LRP1B: variants seen among roughly 807,000 people sequenced by gnomAD.
LRP1B encodes LDL receptor related protein 1B.
In LRP1B, 217 loss-of-function variants were observed where a neutral mutation model predicts 556.6. That is an observed-to-expected ratio of 0.39 (90% CI 0.35 to 0.44). The LOEUF is 0.44. LRP1B is among the 20% of genes least tolerant of loss of function. The probability of loss-of-function intolerance (pLI) is 1.00; values close to 1 mark genes in which losing one functional copy is unlikely to be tolerated. For missense variants in LRP1B, 5,053 were observed against 5,620.8 expected, an observed-to-expected ratio of 0.90 and a Z score of 3.23; for synonymous variants, 2,047 against 1,865.8, an observed-to-expected ratio of 1.10 and a Z score of -2.50.
intron 1 of LRP1B, among the ~76,000 whole-genome samples, chr2:141,946,455 G>T (rs1700957354): frequency 6.6e-6 from 1 of 152,272 alleles, no homozygotes; most frequent in East Asian, 1.9e-4. Context: ...GAGATTAGGT[G>T]AAGGATGGCA....
chr2:141,070,381 A>C (rs1016455640), intron 7 of LRP1B, among the ~76,000 whole-genome samples: 1 of 151,380 alleles, frequency 6.6e-6, no homozygotes, highest in Non-Finnish European at 1.5e-5. Context: ...TTATAGCACT[A>C]AATGCCCACA....
intron 66 of LRP1B, among the ~76,000 whole-genome samples, chr2:140,402,400 C>T (rs1684544508): frequency 1.3e-5 from 2 of 152,194 alleles, no homozygotes; most frequent in African/African-American, 4.8e-5. Context: ...GCAGACATGG[C>T]TGGGGCTTCT....
chr2:140,381,361 C>T (rs1395638902), intron 67 of LRP1B, among the ~76,000 whole-genome samples: 5 of 152,006 alleles, frequency 3.3e-5, no homozygotes. Flanking sequence ...GACATTCTCC[C>T]CCGTATTTCC....
chr2:141,864,042 A>G (rs1031589061), intron 1 of LRP1B, among the ~76,000 whole-genome samples: 1 of 152,180 alleles, frequency 6.6e-6, no homozygotes, highest in African/African-American at 2.4e-5. Flanking sequence ...GTAAACAAGG[A>G]AACAGTTACA....
intron 1 of LRP1B, among the ~76,000 whole-genome samples, chr2:141,839,548 A>G (rs1697396358): frequency 6.6e-6 from 1 of 152,192 alleles, no homozygotes; most frequent in East Asian, 1.9e-4. Flanking sequence ...AAATTGGTAA[A>G]CAAGGCTTGT....
chr2:140,536,968 T>C (rs1679932284), intron 45 of LRP1B, among the ~76,000 whole-genome samples: 3 of 150,554 alleles, frequency 2.0e-5, no homozygotes, highest in Admixed American at 1.3e-4. Context: ...GGTCAGGAGA[T>C]TGAGACCATC....
chr2:140,261,036 G>A (rs1339872858), intron 86 of LRP1B, among the ~76,000 whole-genome samples: 2 of 130,224 alleles, frequency 1.5e-5, no homozygotes, highest in African/African-American at 6.3e-5. Flanking sequence ...GAATGTTGGT[G>A]AGATATATAT....
intron 86 of LRP1B, 43 bp downstream of exon 86, chr2:140,270,198 CA>C (rs1281060798): frequency 7.3e-7 from 1 of 1,375,294 alleles, no homozygotes; most frequent in Non-Finnish European, 1.0e-6. Context: ...CATGTACATA[CA>C]AAGGCTTATT....
chr2:140,850,286 T>A lies in LRP1B; in HGVS notation c.4755A>T (p.Arg1585Ser), dbSNP rs141156575. ...FLLYARRSEI[R>S]GVDIDNPYFN... ...AGTATGGATTGTCAATATCCACTCC[T>A]CTGATTTCAGAACGTCTTGCATAAA... is the stretch of plus-strand genomic sequence containing the variant. The change falls in exon 29 of 91, where the codon AGA (arginine) becomes AGT (serine). Residue 1585 changes from arginine to serine, a missense_variant. This residue lies in a region of LRP1B where 3,619 missense variants were observed against 3,931.9 expected (regional missense o/e 0.92). Coordinates refer to ENST00000389484, the MANE Select transcript of LRP1B (RefSeq NM_018557.3). 1 of 1,613,090 alleles carries A rather than the reference T, an allele frequency of 6.2e-7. No individual in the cohort carries two copies. Among genetic ancestry groups the A allele is most frequent in the Non-Finnish European group, 8.5e-7 (1 of 1,179,408 alleles).
At chr2:141,931,934 G>T (rs1255763166) in intron 1 of LRP1B, among the ~76,000 whole-genome samples, 4 of 151,950 alleles carry the variant, frequency 2.6e-5, no homozygotes, top group African/African-American at 7.2e-5. Context: ...TATAGCATTT[G>T]CTTTCTTTTT....
chr2:142,130,787 G>C lies in LRP1B; in HGVS notation c.-58C>G, dbSNP rs565953218. 8.5e-5 allele frequency: 100 copies of C among 1,170,960 alleles called. No homozygotes were observed. The South Asian group carries it at 1.4e-3, about 16-fold the overall frequency. The allele number at this position is 1,170,960 out of a possible 1,614,324, so 72.5% of individuals were successfully genotyped here. ...GACTGCTCGGCGGCACCTTCGGCCC[G>C]GCGGCGGCGGCGGCGGCAGGGGCCG... On this transcript the variant is annotated 5_prime_UTR_variant, in exon 1 of 91. Coordinates refer to ENST00000389484, the MANE Select transcript of LRP1B (RefSeq NM_018557.3).
chr2:141,250,048 G>A (rs1461640596), intron 4 of LRP1B, among the ~76,000 whole-genome samples: 4 of 152,108 alleles, frequency 2.6e-5, no homozygotes, highest in Non-Finnish European at 4.4e-5. Context: ...ATGAAGAGGG[G>A]AGCAAAAGAT....
intron 2 of LRP1B, among the ~76,000 whole-genome samples, chr2:141,683,859 A>C (rs1464164213): frequency 6.6e-6 from 1 of 152,140 alleles, no homozygotes; most frequent in East Asian, 1.9e-4. Context: ...AGTATTCAAG[A>C]ACAGAGAAAT....
At position 141,356,337 on chromosome 2, in the gene LRP1B, T is replaced by C. The variant is rs570377747; in HGVS notation, c.344-101696A>G. On this transcript the variant is annotated intron_variant, in intron 3 of 90. Transcript: ENST00000389484. The stretch of plus-strand genomic sequence containing the variant: ...AGTTTGTATTCTGCTATAAGAAAGG[T>C]TGGGCAAGTGCACAGTTGGAATTTT... Among the ~76,000 whole-genome samples, 7 of 152,270 alleles carry C rather than the reference T, an allele frequency of 4.6e-5. No individual in the cohort carries two copies. In the South Asian group the frequency reaches 1.2e-3, roughly 27 times the overall value.
chr2:140,847,891 G>A (rs1692323904), intron 29 of LRP1B, among the ~76,000 whole-genome samples: 3 of 151,958 alleles, frequency 2.0e-5, no homozygotes, highest in Non-Finnish European at 4.4e-5. Context: ...CTCAAATTTT[G>A]GTTGATAATT....
chr2:141,014,858 T>C (rs973271981), intron 13 of LRP1B, among the ~76,000 whole-genome samples: 1 of 152,138 alleles, frequency 6.6e-6, no homozygotes, highest in Non-Finnish European at 1.5e-5. Flanking sequence ...ATATTTACAG[T>C]ATTGTTAGCA....
intron 17 of LRP1B, among the ~76,000 whole-genome samples, chr2:140,983,128 G>A (rs539541274): frequency 3.2e-4 from 48 of 152,092 alleles, no homozygotes; most frequent in African/African-American, 1.1e-3. Context: ...CTTCCCCCAG[G>A]CCTTTGGTAG....
At chr2:142,007,341 G>A (rs542302838) in intron 1 of LRP1B, among the ~76,000 whole-genome samples, 10 of 152,198 alleles carry the variant, frequency 6.6e-5, no homozygotes, top group African/African-American at 2.4e-4. Flanking sequence ...AGGATATTGT[G>A]CCTTTAGCTA....
chr2:141,312,234 G>T (rs1033312), intron 3 of LRP1B, among the ~76,000 whole-genome samples: 3 of 151,836 alleles, frequency 2.0e-5, no homozygotes, highest in Non-Finnish European at 4.4e-5. Context: ...CGGTAAGGCC[G>T]ACCCCTCATT....
Sources: allele counts gnomAD v4.1 joint callset (sites outside exome capture counted in the v4.1 genomes callset), GRCh38; gene constraint gnomAD v4.1.1; regional missense constraint gnomAD v4.1.1; transcripts MANE v1.5; gene names NCBI Gene and HGNC (gene_info 2026-07-23, HGNC 2026-07-21).